The following DHRS7 variants were observed in gnomAD, a reference collection of about 807,000 sequenced individuals.
DHRS7 encodes dehydrogenase/reductase SDR family member 7.
DHRS7 carries 34 observed loss-of-function variants against 38.9 expected under a neutral mutation model. That is an observed-to-expected ratio of 0.87 (90% CI 0.66 to 1.16). The LOEUF is 1.16. Ranked by LOEUF, DHRS7 falls within the 50% of genes most tolerant of loss-of-function variation. DHRS7 has a pLI of 0.00. For missense variants in DHRS7, 421 were observed against 407.0 expected (o/e 1.03, Z -0.30); for synonymous variants, 158 against 153.1 (o/e 1.03, Z -0.24).
At chr14:60,159,870 G>A (rs1340306412) in intron 1 of DHRS7, among the ~76,000 whole-genome samples, 1 of 152,130 alleles carries the variant, frequency 6.6e-6, no homozygotes, top group Non-Finnish European at 1.5e-5. Flanking sequence ...TTAACCAAAT[G>A]AAGACATTTT....
chr14:60,156,983 C>T (rs1896673050), intron 1 of DHRS7, among the ~76,000 whole-genome samples: 1 of 152,206 alleles, frequency 6.6e-6, no homozygotes, highest in Admixed American at 6.5e-5. Flanking sequence ...CACTGTCTCT[C>T]TGAACCCGTA....
In DHRS7 at chr14:60,162,547, G is replaced by A. The variant is rs1459629587; in HGVS notation, c.133+2630C>T. ...TTTACTTTTTACTATATATCTTTTT[G>A]TATTTTTACTTTTGTATTATGTGAG... On this transcript the variant is annotated intron_variant, in intron 1 of 6. Coordinates refer to ENST00000557185, the MANE Select transcript of DHRS7 (RefSeq NM_016029.4). This position sits in a 1 kb window ranked among gnomAD's most constrained non-coding sequence, Gnocchi z 4.5. Among the ~76,000 whole-genome samples the A allele has an allele frequency of 1.3e-5, 2 of 152,100 alleles. No homozygotes were observed. The highest frequency in any genetic ancestry group is 2.9e-5 in the Non-Finnish European group (2 of 68,014).
At chr14:60,168,741 A>G, upstream of DHRS7, 1 of 1,557,652 alleles carries the variant, frequency 6.4e-7, no homozygotes, top group Non-Finnish European at 8.7e-7. Context: ...TTATGGTCTC[A>G]GATTTAAGAA....
chr14:60,162,344 G>T lies in DHRS7; in HGVS notation c.133+2833C>A, dbSNP rs1238543498. On this transcript the variant is annotated intron_variant, in intron 1 of 6. Coordinates refer to ENST00000557185, the MANE Select transcript of DHRS7 (RefSeq NM_016029.4). This position sits in a 1 kb window ranked among gnomAD's most constrained non-coding sequence, Gnocchi z 4.5. ...GCTATGATCATGCCACTGCACTCCAGGCTGGGTGACAAAGCAAGACCTTGT... is the reference window on the plus strand; with the variant it reads ...GCTATGATCATGCCACTGCACTCCATGCTGGGTGACAAAGCAAGACCTTGT... 2.0e-5 allele frequency among the ~76,000 whole-genome samples: 3 copies of T among 151,610 alleles called. No homozygotes were observed. Among genetic ancestry groups the T allele is most frequent in the African/African-American group, 7.3e-5 (3 of 41,224 alleles).
At chr14:60,149,913 A>G (rs1896500734) in intron 5 of DHRS7, 152 bp downstream of exon 5, 1 of 806,774 alleles carries the variant, frequency 1.2e-6, no homozygotes, top group African/African-American at 1.8e-5. Context: ...GAAATTCCAT[A>G]AACAATTTTC....
chr14:60,154,186 G>A (rs1254782988), intron 2 of DHRS7, 121 bp from the exon 3 acceptor site: 2 of 696,950 alleles, frequency 2.9e-6, no homozygotes, highest in Non-Finnish European at 4.8e-6. Context: ...GGGTGGCCCT[G>A]TGAAAGTTCC....
At position 60,161,760 on chromosome 14, in the gene DHRS7, G is replaced by T. The variant is rs982121864; in HGVS notation, c.133+3417C>A. On this transcript the variant is annotated intron_variant, in intron 1 of 6. Coordinates refer to ENST00000557185, the MANE Select transcript of DHRS7 (RefSeq NM_016029.4). The surrounding 1 kb of genome is among the most constrained non-coding windows in gnomAD (Gnocchi z 4.2). ...CTTCCCTTGTCCCCCAGAAGGTAGGGTCTATGAGGGCCTGGACTGTGGCTG... is the reference window on the plus strand; with the variant it reads ...CTTCCCTTGTCCCCCAGAAGGTAGGTTCTATGAGGGCCTGGACTGTGGCTG... Among the ~76,000 whole-genome samples, 2 of 152,196 alleles carry T rather than the reference G, an allele frequency of 1.3e-5. No homozygotes were observed. Among genetic ancestry groups the T allele is most frequent in the Non-Finnish European group, 2.9e-5 (2 of 68,048 alleles).
Position 60,162,302 on chromosome 14 carries a change from G to C in DHRS7, c.133+2875C>G, listed in dbSNP as rs1314453999. ...GTGGGAGGATTGCCTGAGCCCAGGA[G>C]TTCGAGGCTGCAGTGAGCTATGATC... On this transcript the variant is annotated intron_variant, in intron 1 of 6. Coordinates refer to ENST00000557185, the MANE Select transcript of DHRS7 (RefSeq NM_016029.4). This position sits in a 1 kb window ranked among gnomAD's most constrained non-coding sequence, Gnocchi z 4.5. Among the ~76,000 whole-genome samples, 1 of 151,960 alleles carries C rather than the reference G, an allele frequency of 6.6e-6. No individual in the cohort carries two copies. Among genetic ancestry groups the C allele is most frequent in the African/African-American group, 2.4e-5 (1 of 41,352 alleles).
chr14:60,159,264 A>T (rs1300893724), intron 1 of DHRS7: 8 of 420,836 alleles, frequency 1.9e-5, no homozygotes. Context: ...TAGACAATAC[A>T]CAGAAAATTT....
upstream of DHRS7, chr14:60,165,441 A>G: frequency 7.3e-7 from 1 of 1,374,700 alleles, no homozygotes; most frequent in Non-Finnish European, 9.3e-7. This position sits in a 1 kb window ranked among gnomAD's most constrained non-coding sequence, Gnocchi z 4.6. Context: ...CCCAGGGAGC[A>G]GGCCGGGAGG....
rs763659152 is a variant in DHRS7, at chr14:60,149,388, C to G, written c.937G>C (p.Gly313Arg). Residue 313 changes from glycine (G) to arginine (R), a missense_variant, in exon 6 of 7, where the codon GGG (glycine) becomes CGG (arginine). Transcript: ENST00000557185. The stretch of plus-strand genomic sequence containing the variant: ...TTAAAGTTCTCAATCCTTTTCTTCC[C>G]CATCTTGTTGGTTATCCACCAGGCC... ...TWAWWITNKMGKKRIENFKSG... is the reference protein window; with the variant it reads ...TWAWWITNKMRKKRIENFKSG... The G allele has an allele frequency of 1.9e-6, 3 of 1,614,108 alleles. No individual in the cohort carries two copies.
chr14:60,154,348 A>C (rs1187847378), intron 2 of DHRS7, among the ~76,000 whole-genome samples: 1 of 152,094 alleles, frequency 6.6e-6, no homozygotes, highest in Non-Finnish European at 1.5e-5. Context: ...GAAAAGAGCA[A>C]ATATTTTAGA....
chr14:60,144,915 T>G lies in DHRS7; in HGVS notation c.*51A>C. The G allele has an allele frequency of 6.8e-7, 1 of 1,460,010 alleles. No individual in the cohort carries two copies. The highest frequency in any genetic ancestry group is 1.7e-5 in the Admixed American group (1 of 59,668). The allele number at this position is 1,460,010 out of a possible 1,614,324, so 90.4% of individuals were successfully genotyped here. A position where few individuals can be genotyped will look rare whatever the true frequency, so the allele number is the denominator to read the frequency against. On this transcript the variant is annotated 3_prime_UTR_variant, in exon 7 of 7. Coordinates refer to ENST00000557185, the MANE Select transcript of DHRS7 (RefSeq NM_016029.4). The stretch of plus-strand genomic sequence containing the variant: ...CAGAAGCATAAGAAGATTGCTGTTT[T>G]CATGTTTTCCATTTCTCCCTCCAGT...
upstream of DHRS7, chr14:60,166,395 C>G (rs1896867662): frequency 2.9e-6 from 1 of 350,588 alleles, no homozygotes; most frequent in South Asian, 1.2e-4. Flanking sequence ...TCTTCATTTC[C>G]TAGAGTACTT....
intron 1 of DHRS7, chr14:60,159,168 C>A (rs1896714097): frequency 5.5e-6 from 2 of 364,490 alleles, no homozygotes; most frequent in South Asian, 2.5e-5. Context: ...GTGTTGGAAC[C>A]CCAACATACA....
intron 1 of DHRS7, chr14:60,159,061 CA>C: frequency 2.2e-6 from 1 of 461,468 alleles, no homozygotes. Flanking sequence ...ATCCAAGGCC[CA>C]AAAGTTTGTT....
In DHRS7 at chr14:60,153,370, G is replaced by A. The variant is rs1896590316; in HGVS notation, c.394-192C>T. Among the ~76,000 whole-genome samples, 1 of 152,126 alleles carries A rather than the reference G, an allele frequency of 6.6e-6. No individual in the cohort carries two copies. Among genetic ancestry groups the A allele is most frequent in the African/African-American group, 2.4e-5 (1 of 41,416 alleles). ...CTGTGGAATTAAATTCCCGTTTTAG[G>A]TGACTTTTTGTGAAAGTTAATAATT... is the stretch of plus-strand genomic sequence containing the variant. On this transcript the variant is annotated intron_variant, in intron 3 of 6. Transcript: ENST00000557185. The surrounding 1 kb of genome is among the most constrained non-coding windows in gnomAD (Gnocchi z 4.4).
Position 60,165,060 on chromosome 14 carries a change from A to C in DHRS7, c.133+117T>G. On this transcript the variant is annotated intron_variant, in intron 1 of 6. Coordinates refer to ENST00000557185, the MANE Select transcript of DHRS7 (RefSeq NM_016029.4). This position sits in a 1 kb window ranked among gnomAD's most constrained non-coding sequence, Gnocchi z 4.6. ...GTAAGGGGCAGCCGGGCCTTCGGGA[A>C]GCTCCACGCAACCCACAAAGGACCC... The C allele has an allele frequency of 7.5e-7, 1 of 1,331,118 alleles. No individual in the cohort carries two copies. Among genetic ancestry groups the C allele is most frequent in the Non-Finnish European group, 1.0e-6 (1 of 968,400 alleles). 82.5% of individuals were successfully genotyped at this position (1,331,118 alleles called of 1,614,324 possible).
At chr14:60,167,615 A>G (rs1253083598), upstream of DHRS7, among the ~76,000 whole-genome samples, 1 of 152,228 alleles carries the variant, frequency 6.6e-6, no homozygotes, top group Non-Finnish European at 1.5e-5. Context: ...AAAGCATTAT[A>G]CAAAAATAAC....
Sources: gnomAD v4.1 joint callset for allele counts (sites outside exome capture counted in the v4.1 genomes callset) on GRCh38, gnomAD v4.1.1 for gene constraint, Gnocchi (gnomAD v3.1) non-coding constraint, MANE v1.5 for transcripts, NCBI Gene and HGNC (gene_info 2026-07-23, HGNC 2026-07-21) for gene names.